The following DOK5 variants were observed in gnomAD, a reference collection of about 807,000 sequenced individuals.
DOK5 encodes downstream of tyrosine kinase 5.
In DOK5, 27 loss-of-function variants were observed where a neutral mutation model predicts 43.3. That is an observed-to-expected ratio of 0.62 (90% CI 0.46 to 0.86). The LOEUF (loss-of-function observed/expected upper bound fraction) is 0.86. Ranked by LOEUF, DOK5 falls within the 40% of genes least tolerant of loss-of-function variation. DOK5 has a pLI of 0.00. For missense variants in DOK5, 373 were observed against 392.9 expected, an observed-to-expected ratio of 0.95 and a Z score of 0.43; for synonymous variants, 146 against 140.1, an observed-to-expected ratio of 1.04 and a Z score of -0.30.
At chr20:54,649,865 CTCTT>C (rs1979616397) in intron 7 of DOK5, among the ~76,000 whole-genome samples, 1 of 152,160 alleles carries the variant, frequency 6.6e-6, no homozygotes, top group African/African-American at 2.4e-5. Context: ...TAGTGTCTGG[CTCTT>C]TCTAGAAAAT....
chr20:54,499,210 A>T (rs186597238), intron 1 of DOK5, among the ~76,000 whole-genome samples: 66 of 152,316 alleles, frequency 4.3e-4, no homozygotes, highest in Non-Finnish European at 3.4e-4. Context: ...AGAGAGGAGG[A>T]TTCTTACATG....
chr20:54,579,540 T>G (rs892548438), intron 2 of DOK5, among the ~76,000 whole-genome samples: 8 of 152,276 alleles, frequency 5.3e-5, no homozygotes, highest in African/African-American at 1.7e-4. Flanking sequence ...CTATATTCGT[T>G]AAACAGCAAC....
intron 5 of DOK5, among the ~76,000 whole-genome samples, chr20:54,598,209 G>A (rs572364537): frequency 1.3e-5 from 2 of 152,266 alleles, no homozygotes; most frequent in East Asian, 3.9e-4. Context: ...TTCAGAATTA[G>A]AATATAACAT....
At chr20:54,619,491 C>A (rs1338665149) in intron 6 of DOK5, among the ~76,000 whole-genome samples, 1 of 152,190 alleles carries the variant, frequency 6.6e-6, no homozygotes, top group Non-Finnish European at 1.5e-5. Flanking sequence ...GACTTTCCTT[C>A]AAGGCGAGAG....
intron 6 of DOK5, among the ~76,000 whole-genome samples, chr20:54,625,231 T>G (rs1987098908): frequency 6.6e-6 from 1 of 152,164 alleles, no homozygotes; most frequent in South Asian, 2.1e-4. Flanking sequence ...CCATGAGGAC[T>G]GGTTCATTAG....
chr20:54,645,670 C>T (rs964393018), intron 7 of DOK5, among the ~76,000 whole-genome samples: 7 of 151,562 alleles, frequency 4.6e-5, no homozygotes, highest in Non-Finnish European at 1.0e-4. Context: ...AGATGATGGC[C>T]GGTTTTCATT....
intron 2 of DOK5, among the ~76,000 whole-genome samples, chr20:54,566,016 C>CAAAAAA (rs11450454): frequency 1.0e-5 from 1 of 100,484 alleles, no homozygotes; most frequent in African/African-American, 3.3e-5. Context: ...GATTCCGTCT[C>CAAAAAA]AAAAAAAAAA....
At chr20:54,636,912 G>A (rs1978851335) in intron 6 of DOK5, among the ~76,000 whole-genome samples, 1 of 152,164 alleles carries the variant, frequency 6.6e-6, no homozygotes, top group African/African-American at 2.4e-5. Context: ...GACTTTTGGG[G>A]GGGACAAACA....
intron 1 of DOK5, among the ~76,000 whole-genome samples, chr20:54,530,515 T>C (rs1258470977): frequency 6.6e-6 from 1 of 152,216 alleles, no homozygotes; most frequent in Non-Finnish European, 1.5e-5. Context: ...TGATTTCATT[T>C]ACACAAGACC....
chr20:54,523,767 G>C (rs978279208), intron 1 of DOK5, among the ~76,000 whole-genome samples: 1 of 134,858 alleles, frequency 7.4e-6, no homozygotes, highest in African/African-American at 3.6e-5. Flanking sequence ...CACCACATTT[G>C]TCTAAATGTA....
At chr20:54,520,142 C>T (rs576326430) in intron 1 of DOK5, among the ~76,000 whole-genome samples, 1 of 152,224 alleles carries the variant, frequency 6.6e-6, no homozygotes, top group African/African-American at 2.4e-5. Flanking sequence ...CTAATCCTGC[C>T]CCCTAAACCC....
intron 1 of DOK5, among the ~76,000 whole-genome samples, chr20:54,548,467 AC>A (rs1424103340): frequency 6.6e-6 from 1 of 151,604 alleles, no homozygotes; most frequent in Non-Finnish European, 1.5e-5. Flanking sequence ...GAACTCCTGG[AC>A]TCAAGCAACT....
chr20:54,478,109 A>G (rs1409081985), intron 1 of DOK5, among the ~76,000 whole-genome samples: 1 of 152,250 alleles, frequency 6.6e-6, no homozygotes, highest in Non-Finnish European at 1.5e-5. Context: ...GTTATTGCTC[A>G]TGGAGAGAAA....
intron 1 of DOK5, among the ~76,000 whole-genome samples, chr20:54,483,526 G>GT (rs2146658996): frequency 6.6e-6 from 1 of 152,262 alleles, no homozygotes; most frequent in African/African-American, 2.4e-5. Flanking sequence ...ATTAATCTGA[G>GT]TAACAGGTCA....
intron 1 of DOK5, among the ~76,000 whole-genome samples, chr20:54,493,122 C>T (rs1281805809): frequency 6.6e-6 from 1 of 151,166 alleles, no homozygotes. Context: ...CAATCCCCCA[C>T]TCCCCAAATC....
At chr20:54,501,897 A>G (rs1249047371) in intron 1 of DOK5, among the ~76,000 whole-genome samples, 2 of 152,226 alleles carry the variant, frequency 1.3e-5, no homozygotes, top group Non-Finnish European at 2.9e-5. Context: ...CTGACTTTTG[A>G]GCAAATTTTA....
chr20:54,529,288 C>T (rs1983682748), intron 1 of DOK5, among the ~76,000 whole-genome samples: 2 of 152,118 alleles, frequency 1.3e-5, no homozygotes, highest in Admixed American at 6.6e-5. Context: ...AATAATTGCT[C>T]TTCAATTGCA....
intron 2 of DOK5, 103 bp from the exon 3 acceptor site, chr20:54,588,380 C>A: frequency 1.1e-6 from 1 of 883,384 alleles, no homozygotes; most frequent in Non-Finnish European, 1.9e-6. Context: ...AGGTTGTGCT[C>A]AGCTGTGCTG....
chr20:54,534,988 C>T (rs1487280448), intron 1 of DOK5, among the ~76,000 whole-genome samples: 1 of 152,130 alleles, frequency 6.6e-6, no homozygotes, highest in Non-Finnish European at 1.5e-5. Flanking sequence ...CATGTGCCAC[C>T]ACGCCTGGCT....
Sources: gnomAD v4.1 joint callset for allele counts (sites outside exome capture counted in the v4.1 genomes callset) on GRCh38, gnomAD v4.1.1 for gene constraint, MANE v1.5 for transcripts, NCBI Gene and HGNC (gene_info 2026-07-23, HGNC 2026-07-21) for gene names.